The following NIP7 variants were observed in gnomAD, a reference collection of about 807,000 sequenced individuals.
The protein encoded by NIP7 is 60S ribosome subunit biogenesis protein NIP7 homolog.
In NIP7, 12 loss-of-function variants were observed where a neutral mutation model predicts 20.1. The observed-to-expected ratio is 0.60, with a 90% CI of 0.38 to 0.97. The LOEUF is 0.97. Among genes scored for constraint, NIP7 ranks in the 50% least tolerant of loss-of-function variants. NIP7 has a pLI of 0.00. For missense variants in NIP7, 226 were observed against 226.6 expected, an observed-to-expected ratio of 1.00 and a Z score of 0.02; for synonymous variants, 103 against 87.2, an observed-to-expected ratio of 1.18 and a Z score of -1.01.
rs2142666953 is a variant in NIP7, at chr16:69,340,107, G to A, written c.143+15G>A. On this transcript the variant is annotated intron_variant, in intron 2 of 4. Transcript: ENST00000254940. ...TACTATGTGAGGTGAGGCGGGGCCGGGCAGGCAGCATGGACCCAGGGGAGA... is the reference window on the plus strand; with the variant it reads ...TACTATGTGAGGTGAGGCGGGGCCGAGCAGGCAGCATGGACCCAGGGGAGA... 6.2e-7 allele frequency: 1 copy of A among 1,613,388 alleles called. No individual in the cohort carries two copies. Among genetic ancestry groups the A allele is most frequent in the Middle Eastern group, 1.7e-4 (1 of 6,060 alleles).
At chr16:69,340,637 G>A (rs950429374) in intron 3 of NIP7, 2 of 418,584 alleles carry the variant, frequency 4.8e-6, no homozygotes, top group Admixed American at 7.7e-5. Flanking sequence ...TGTTAACCTG[G>A]CCATGGAGGA....
chr16:69,341,660 C>A lies in NIP7; in HGVS notation c.*8C>A, dbSNP rs1253891294. On this transcript the variant is annotated 3_prime_UTR_variant, in exon 5 of 5. Transcript: ENST00000254940. ...GAAGAGACGTTGACTTAAAACGAAG[C>A]CATTCCAAGGACAGACGGCTGTATG... 6.2e-7 allele frequency: 1 copy of A among 1,614,000 alleles called. No individual in the cohort carries two copies. The highest frequency in any genetic ancestry group is 8.5e-7 in the Non-Finnish European group (1 of 1,179,948).
chr16:69,342,493 C>T lies in NIP7; in HGVS notation c.*841C>T, dbSNP rs994852853. ...GCTGTGGTCCTAGTTACTTGGGAGGCTGAGGCAGGAGAATGGCTTGAACTG... is the reference window on the plus strand; with the variant it reads ...GCTGTGGTCCTAGTTACTTGGGAGGTTGAGGCAGGAGAATGGCTTGAACTG... On this transcript the variant is annotated 3_prime_UTR_variant, in exon 5 of 5. Coordinates refer to ENST00000254940, the MANE Select transcript of NIP7 (RefSeq NM_016101.5). 1.3e-5 allele frequency: 2 copies of T among 151,746 alleles called. No homozygotes were observed. The highest frequency in any genetic ancestry group is 4.8e-5 in the African/African-American group (2 of 41,302). The allele number at this position is 151,746 out of a possible 1,614,324, so 9.4% of individuals were successfully genotyped here.
chr16:69,340,469 T>C (rs2012494982), intron 3 of NIP7, 137 bp downstream of exon 3: 2 of 1,107,370 alleles, frequency 1.8e-6, no homozygotes, highest in African/African-American at 1.6e-5. Flanking sequence ...GTAGAGGTCT[T>C]GCAGCTTGAG....
chr16:69,341,109 A>G, intron 3 of NIP7, 71 bp from the exon 4 acceptor site: 4 of 1,281,046 alleles, frequency 3.1e-6, no homozygotes, highest in Non-Finnish European at 4.4e-6. Context: ...TCACAGATCC[A>G]GCAGCTAGCT....
intron 1 of NIP7, 52 bp from the exon 2 acceptor site, chr16:69,339,954 G>C (rs2012461215): frequency 6.2e-7 from 1 of 1,613,128 alleles, no homozygotes; most frequent in Non-Finnish European, 8.5e-7. Context: ...GGGGCGCGGT[G>C]CCGGAGACCG....
chr16:69,340,447 A>C, intron 3 of NIP7, 115 bp downstream of exon 3: 2 of 1,312,410 alleles, frequency 1.5e-6, no homozygotes, highest in Non-Finnish European at 2.1e-6. Flanking sequence ...GAGTTTCAGC[A>C]CATGGAGATG....
intron 3 of NIP7, 46 bp downstream of exon 3, chr16:69,340,378 G>T: frequency 1.3e-6 from 2 of 1,594,086 alleles, no homozygotes; most frequent in South Asian, 2.2e-5. Flanking sequence ...TGAAGTCAAG[G>T]ATTAGGCAGA....
intron 1 of NIP7, 50 bp from the exon 2 acceptor site, chr16:69,339,956 C>G (rs767684001): frequency 1.2e-6 from 2 of 1,612,730 alleles, no homozygotes; most frequent in Admixed American, 1.7e-5. Flanking sequence ...GGCGCGGTGC[C>G]GGAGACCGGT....
At chr16:69,341,446 A>ATTT in intron 4 of NIP7, 87 bp from the exon 5 acceptor site, 1 of 1,585,338 alleles carries the variant, frequency 6.3e-7, no homozygotes, top group East Asian at 2.2e-5. Context: ...CCAGAACTGT[A>ATTT]TTTTTTCCGT....
In NIP7 at chr16:69,342,419, ACCC is replaced by A. The variant is rs2012584179; in HGVS notation, c.*769_*771del. ...AGACCAGCCTGGCCAACATGGTGAAACCCCATCTCTACTAAAAAAAAAAAAAAA... is the reference window on the plus strand; with the variant it reads ...AGACCAGCCTGGCCAACATGGTGAAACATCTCTACTAAAAAAAAAAAAAAA... On this transcript the variant is annotated 3_prime_UTR_variant, in exon 5 of 5. Coordinates refer to ENST00000254940, the MANE Select transcript of NIP7 (RefSeq NM_016101.5). 6.6e-6 allele frequency: 1 copy of A among 151,990 alleles called. No individual in the cohort carries two copies. Among genetic ancestry groups the A allele is most frequent in the African/African-American group, 2.4e-5 (1 of 41,368 alleles). 9.4% of individuals were successfully genotyped at this position (151,990 alleles called of 1,614,324 possible).
intron 3 of NIP7, chr16:69,340,954 C>G (rs1336494677): frequency 1.2e-5 from 5 of 419,234 alleles, no homozygotes; most frequent in East Asian, 4.9e-5. Context: ...CTCAAGTGAT[C>G]CACCTGCCTT....
At chr16:69,340,509 A>G (rs971921613) in intron 3 of NIP7, 177 bp downstream of exon 3, 5 of 771,630 alleles carry the variant, frequency 6.5e-6, no homozygotes, top group Non-Finnish European at 8.1e-6. Context: ...TAGGAATGCT[A>G]TGTGGCTGCG....
At position 69,342,431 on chromosome 16, in the gene NIP7, C is replaced by CT. The variant is rs981381533; in HGVS notation, c.*780dup. On this transcript the variant is annotated 3_prime_UTR_variant, in exon 5 of 5. Coordinates refer to ENST00000254940, the MANE Select transcript of NIP7 (RefSeq NM_016101.5). ...CCAACATGGTGAAACCCCATCTCTA[C>CT]TAAAAAAAAAAAAAAAATTAGGTGT... is the stretch of plus-strand genomic sequence containing the variant. 1 of 148,286 alleles carries CT rather than the reference C, an allele frequency of 6.7e-6. No homozygotes were observed. The highest frequency in any genetic ancestry group is 1.5e-5 in the Non-Finnish European group (1 of 67,174). 9.2% of individuals were successfully genotyped at this position (148,286 alleles called of 1,614,324 possible).
In NIP7 at chr16:69,341,038, T is replaced by C. The variant is rs914631482; in HGVS notation, c.283-142T>C. The C allele has an allele frequency of 7.0e-5, 50 of 717,134 alleles. 3 individuals are homozygous for C. In the South Asian group the frequency reaches 8.0e-4, roughly 11 times the overall value. 44.4% of individuals were successfully genotyped at this position (717,134 alleles called of 1,614,324 possible). A position where few individuals can be genotyped will look rare whatever the true frequency, so the allele number is the denominator to read the frequency against. On this transcript the variant is annotated intron_variant, in intron 3 of 4. Transcript: ENST00000254940. ...ACTTCCTGCATTTCTGTTCAGGAGA[T>C]AGACAGTTTGAGGAAAACATGAGTC...
In NIP7 at chr16:69,339,828, A is replaced by G. The variant is rs201626214; in HGVS notation, c.-2A>G. 1 of 1,612,786 alleles carries G rather than the reference A, an allele frequency of 6.2e-7. No individual in the cohort carries two copies. Among genetic ancestry groups the G allele is most frequent in the Admixed American group, 1.7e-5 (1 of 60,004 alleles). On this transcript the variant is annotated 5_prime_UTR_variant, in exon 1 of 5. Coordinates refer to ENST00000254940, the MANE Select transcript of NIP7 (RefSeq NM_016101.5). ...ATCCGGTGTTCCAACCCAGGGGGAA[A>G]AATGCGGCCTTTGACTGAAGAGGAG...
At position 69,342,646 on chromosome 16, in the gene NIP7, G is replaced by A. The variant is rs981048755; in HGVS notation, c.*994G>A. ...CAGTGCCTTGGAAATGATAGGTATG[G>A]AATAAATGGTAATTATTTTTATATT... On this transcript the variant is annotated 3_prime_UTR_variant, in exon 5 of 5. Transcript: ENST00000254940. The A allele has an allele frequency of 3.3e-5, 5 of 152,052 alleles. No individual in the cohort carries two copies. Among genetic ancestry groups the A allele is most frequent in the African/African-American group, 1.2e-4 (5 of 41,406 alleles). The allele number at this position is 152,052 out of a possible 1,614,324, so 9.4% of individuals were successfully genotyped here. A position where few individuals can be genotyped will look rare whatever the true frequency, so the allele number is the denominator to read the frequency against.
rs759044976 is a variant in NIP7 at position 69,341,616 on chromosome 16, T to C, written c.507T>C (p.Ile169=). The change falls in exon 5 of 5, where the codon ATT becomes ATC. Residue 169 remains isoleucine (I), a synonymous_variant. Transcript: ENST00000254940. ...MAIVVFHQAD[I]GEYVRHEETL... ...TTGTGGTATTTCATCAAGCAGACAT[T>C]GGGGAATATGTGCGGCATGAAGAGA... The C allele has an allele frequency of 4.3e-6, 7 of 1,613,978 alleles. No homozygotes were observed. The Admixed American group carries it at 8.3e-5, about 19-fold the overall frequency.
chr16:69,341,563 G>A lies in NIP7; in HGVS notation c.454G>A (p.Asp152Asn). ...GFGVAAKSTQ[D>N]CRKVDPMAIV... ...TGGGGTGGCAGCCAAATCTACACAA[G>A]ACTGCAGAAAAGTAGACCCCATGGC... The change falls in exon 5 of 5, where the codon GAC becomes AAC. Residue 152 changes from aspartate (D) to asparagine (N), a missense_variant. Physicochemically the swap from Asp to Asn is conservative, Grantham distance 23. Transcript: ENST00000254940. 1.9e-6 allele frequency: 3 copies of A among 1,614,144 alleles called. No homozygotes were observed. Among genetic ancestry groups the A allele is most frequent in the Non-Finnish European group, 2.5e-6 (3 of 1,180,038 alleles).
Sources: gnomAD v4.1 joint callset for allele counts on GRCh38, gnomAD v4.1.1 for gene constraint, MANE v1.5 for transcripts, NCBI Gene and HGNC (gene_info 2026-07-23, HGNC 2026-07-21) for gene names.